The following MAD1L1 variants were observed in gnomAD, a reference collection of about 807,000 sequenced individuals.
MAD1L1 encodes mitotic arrest deficient 1 like 1, also known as mitotic spindle assembly checkpoint protein MAD1.
MAD1L1 carries 95 observed loss-of-function variants against 96.9 expected under a neutral mutation model. The ratio of observed to expected loss-of-function variants is 0.98; its 90% CI spans 0.83 to 1.16. The LOEUF (loss-of-function observed/expected upper bound fraction) is 1.16, where lower values mean the gene tolerates loss of function less well. MAD1L1 is among the 50% of genes most tolerant of loss of function. MAD1L1 has a pLI of 0.00. For missense variants in MAD1L1, 1,007 were observed against 954.4 expected (o/e 1.06, Z -0.73); for synonymous variants, 473 against 396.6 (o/e 1.19, Z -2.29).
At chr7:2,150,722 G>A (rs1360352439) in intron 10 of MAD1L1, among the ~76,000 whole-genome samples, 1 of 152,210 alleles carries the variant, frequency 6.6e-6, no homozygotes, top group Non-Finnish European at 1.5e-5. Context: ...CCTGGCCCAG[G>A]CCCTGAGCCC....
intron 17 of MAD1L1, among the ~76,000 whole-genome samples, chr7:1,934,327 CCG>C (rs1789654012): frequency 6.6e-6 from 1 of 152,222 alleles, no homozygotes; most frequent in African/African-American, 2.4e-5. Context: ...TGCCGACCAC[CCG>C]CGTGCCTGAG....
At chr7:1,934,101 C>T (rs924124597) in intron 17 of MAD1L1, among the ~76,000 whole-genome samples, 2 of 152,258 alleles carry the variant, frequency 1.3e-5, no homozygotes, top group African/African-American at 2.4e-5. Flanking sequence ...GGCACAGACA[C>T]GCGCTGCATC....
At position 2,114,591 on chromosome 7, in the gene MAD1L1, G is replaced by C. The variant is rs990639826; in HGVS notation, c.1073+34561C>G. Among the ~76,000 whole-genome samples, 1 of 152,256 alleles carries C rather than the reference G, an allele frequency of 6.6e-6. No homozygotes were observed. Among genetic ancestry groups the C allele is most frequent in the African/African-American group, 2.4e-5 (1 of 41,466 alleles). ...ATGAAGATGAGCATGGCTACGACTT[G>C]AACGGTGGTTTCTTAACAGGGTCCA... is the stretch of plus-strand genomic sequence containing the variant. On this transcript the variant is annotated intron_variant, in intron 11 of 18. Coordinates refer to ENST00000265854, the MANE Select transcript of MAD1L1 (RefSeq NM_001013836.2). This position sits in a 1 kb window ranked among gnomAD's most constrained non-coding sequence, Gnocchi z 4.2.
At chr7:2,205,084 CTTTTTTTTTT>C (rs56101356) in intron 10 of MAD1L1, among the ~76,000 whole-genome samples, 8 of 103,862 alleles carry the variant, frequency 7.7e-5, no homozygotes, top group African/African-American at 2.9e-4. Flanking sequence ...AGGATCTTTT[CTTTTTTTTTT>C]TTTTTTTTTT....
intron 15 of MAD1L1, among the ~76,000 whole-genome samples, chr7:1,967,547 G>A (rs2128478040): frequency 6.6e-6 from 1 of 152,336 alleles, no homozygotes; most frequent in Middle Eastern, 3.4e-3. Flanking sequence ...GGAGGGTGTA[G>A]AAGCAGTGCC....
At chr7:2,201,295 C>T (rs1409587651) in intron 10 of MAD1L1, among the ~76,000 whole-genome samples, 2 of 152,166 alleles carry the variant, frequency 1.3e-5, no homozygotes, top group Admixed American at 6.5e-5. Context: ...GGCTTCAAGC[C>T]GCCTGTCAAA....
At chr7:1,918,687 A>C (rs190579526) in intron 17 of MAD1L1, among the ~76,000 whole-genome samples, 1 of 152,360 alleles carries the variant, frequency 6.6e-6, no homozygotes, top group African/African-American at 2.4e-5. Flanking sequence ...CCCAACACCA[A>C]CACCAAAGAA....
chr7:2,153,779 G>A lies in MAD1L1; in HGVS notation c.987-4541C>T, dbSNP rs148217310. ...ATCACAGCAAAGATGGCAAAGATAC[G>A]GAATTAACCTGTGTCTATCGACAGA... is the stretch of plus-strand genomic sequence containing the variant. On this transcript the variant is annotated intron_variant, in intron 10 of 18. Transcript: ENST00000265854. Among the ~76,000 whole-genome samples, 85 of 152,326 alleles carry A rather than the reference G, an allele frequency of 5.6e-4. 1 individual carries two copies. In the East Asian group the frequency reaches 0.013, roughly 23 times the overall value.
Position 2,146,599 on chromosome 7 carries a change from G to A in MAD1L1, c.1073+2553C>T, listed in dbSNP as rs778133315. On this transcript the variant is annotated intron_variant, in intron 11 of 18. Transcript: ENST00000265854. The surrounding 1 kb of genome is among the most constrained non-coding windows in gnomAD (Gnocchi z 6.2). ...GAAAATGCCCAGCAGCTGCTCTCAT[G>A]ACCCGTGACCTCAGCTGGACCAGGG... is the stretch of plus-strand genomic sequence containing the variant. 1.3e-5 allele frequency among the ~76,000 whole-genome samples: 2 copies of A among 152,216 alleles called. No individual in the cohort carries two copies. The highest frequency in any genetic ancestry group is 2.9e-5 in the Non-Finnish European group (2 of 68,038).
chr7:2,048,568 A>C (rs1784034987), intron 12 of MAD1L1, among the ~76,000 whole-genome samples: 1 of 152,234 alleles, frequency 6.6e-6, no homozygotes, highest in Non-Finnish European at 1.5e-5. Context: ...AATAAGCATC[A>C]ACCACACTGC....
intron 10 of MAD1L1, among the ~76,000 whole-genome samples, chr7:2,192,873 T>C (rs148274490): frequency 1.3e-5 from 2 of 152,314 alleles, no homozygotes; most frequent in African/African-American, 4.8e-5. Context: ...CAATTTTAGT[T>C]TTAATCAGAT....
At chr7:2,057,718 T>G (rs1011587141) in intron 12 of MAD1L1, among the ~76,000 whole-genome samples, 1 of 152,162 alleles carries the variant, frequency 6.6e-6, no homozygotes, top group African/African-American at 2.4e-5. Flanking sequence ...AACTCAACAG[T>G]AACAAAAACA....
intron 13 of MAD1L1, among the ~76,000 whole-genome samples, chr7:2,003,483 G>C (rs554534046): frequency 6.6e-6 from 1 of 152,236 alleles, no homozygotes; most frequent in Non-Finnish European, 1.5e-5. Context: ...CCCAGCCAGA[G>C]CCAGGCTCTG....
chr7:1,992,784 A>C (rs540745596), intron 14 of MAD1L1, among the ~76,000 whole-genome samples: 1 of 152,322 alleles, frequency 6.6e-6, no homozygotes, highest in African/African-American at 2.4e-5. Context: ...TCTCCAGGAC[A>C]GGTGGATGTG....
chr7:1,871,331 C>A (rs1315241184), intron 18 of MAD1L1, among the ~76,000 whole-genome samples: 1 of 146,300 alleles, frequency 6.8e-6, no homozygotes, highest in African/African-American at 2.5e-5. Context: ...CACGCTGAAC[C>A]CACCGTAACA....
At chr7:2,084,961 G>A (rs1185780527) in intron 11 of MAD1L1, among the ~76,000 whole-genome samples, 2 of 152,136 alleles carry the variant, frequency 1.3e-5, no homozygotes, top group Admixed American at 6.5e-5. Context: ...ACATCGTCAC[G>A]TTTATGTGTT....
chr7:2,042,040 G>C (rs1783698733), intron 12 of MAD1L1, among the ~76,000 whole-genome samples: 1 of 151,696 alleles, frequency 6.6e-6, no homozygotes, highest in Non-Finnish European at 1.5e-5. Context: ...CACGCACACG[G>C]ACATGCACAC....
intron 15 of MAD1L1, among the ~76,000 whole-genome samples, chr7:1,965,103 T>C (rs1413726489): frequency 6.6e-6 from 1 of 152,212 alleles, no homozygotes; most frequent in African/African-American, 2.4e-5. Context: ...GATCATGGTG[T>C]CTGGCTCACA....
chr7:2,111,549 C>A (rs1251511030), intron 11 of MAD1L1, among the ~76,000 whole-genome samples: 1 of 152,222 alleles, frequency 6.6e-6, no homozygotes, highest in African/African-American at 2.4e-5. Context: ...GATCCCGATA[C>A]GTGGGAAATC....
Sources: allele counts gnomAD v4.1 joint callset (sites outside exome capture counted in the v4.1 genomes callset), GRCh38; gene constraint gnomAD v4.1.1; non-coding constraint Gnocchi (gnomAD v3.1); transcripts MANE v1.5; gene names NCBI Gene and HGNC (gene_info 2026-07-23, HGNC 2026-07-21).